Variants in BLTP1 observed in about 807,000 individuals in gnomAD.
BLTP1 encodes fragile site-associated protein.
the BLTP1 span, among the ~76,000 whole-genome samples, chr4:122,273,595 A>G: frequency 4.6e-5 from 7 of 152,036 alleles, no homozygotes. Context: ...TCACTTTTAA[A>G]TTGATATAAA....
chr4:122,225,127 T>C, the BLTP1 span: 16 of 598,718 alleles, frequency 2.7e-5, no homozygotes, highest in Non-Finnish European at 3.2e-5. Context: ...GATTAGGTAA[T>C]AAGGTTCTTT....
chr4:122,221,391 T>C, the BLTP1 span, among the ~76,000 whole-genome samples: 75 of 152,318 alleles, frequency 4.9e-4, no homozygotes, highest in Middle Eastern at 3.4e-3. Context: ...TGTGTGTTTC[T>C]GGTTTTAAAC....
chr4:122,216,079 TTGTC>T, the BLTP1 span, among the ~76,000 whole-genome samples: 11 of 141,248 alleles, frequency 7.8e-5, no homozygotes, highest in Non-Finnish European at 1.5e-4. Context: ...GTATCTATCT[TTGTC>T]TGTCTATCTA....
the BLTP1 span, among the ~76,000 whole-genome samples, chr4:122,322,381 T>G: frequency 6.6e-6 from 1 of 152,078 alleles, no homozygotes; most frequent in Non-Finnish European, 1.5e-5. Flanking sequence ...TTTCTGGTTC[T>G]TAGAATTGTC....
At chr4:122,199,459 G>A in the BLTP1 span, 1,374 of 1,607,334 alleles carry the variant, frequency 8.5e-4, 6 homozygotes, top group African/African-American at 0.015. Flanking sequence ...CAGTAAGTCT[G>A]TAGTACATGA....
the BLTP1 span, chr4:122,227,582 C>T: frequency 7.5e-5 from 37 of 494,354 alleles, no homozygotes; most frequent in Non-Finnish European, 9.7e-5. Flanking sequence ...CTTTCTAGTT[C>T]GTTCCTATAT....
chr4:122,171,746 A>G, the BLTP1 span: 59 of 900,122 alleles, frequency 6.6e-5, no homozygotes, highest in Non-Finnish European at 7.5e-5. Context: ...TCCCTTTCCT[A>G]TCACCTAGAA....
At chr4:122,175,405 G>A in the BLTP1 span, 1 of 374,024 alleles carries the variant, frequency 2.7e-6, no homozygotes, top group African/African-American at 2.2e-5. Context: ...TCTCTTTTGT[G>A]TGCTAACATC....
chr4:122,157,611 G>A, the BLTP1 span, among the ~76,000 whole-genome samples: 4 of 152,272 alleles, frequency 2.6e-5, no homozygotes, highest in Admixed American at 6.5e-5. Flanking sequence ...CTCACCTCCT[G>A]CTGTGTGGCC....
At chr4:122,257,199 A>G in the BLTP1 span, 2 of 1,533,404 alleles carry the variant, frequency 1.3e-6, no homozygotes, top group East Asian at 2.3e-5. Flanking sequence ...AAGCACTTAA[A>G]TGGTAACTGA....
the BLTP1 span, among the ~76,000 whole-genome samples, chr4:122,171,292 ATGAG>A: frequency 6.6e-6 from 1 of 152,138 alleles, no homozygotes; most frequent in Non-Finnish European, 1.5e-5. Flanking sequence ...GAGTGAATGA[ATGAG>A]TGAATATGAA....
the BLTP1 span, among the ~76,000 whole-genome samples, chr4:122,219,725 A>C: frequency 6.6e-6 from 1 of 152,202 alleles, no homozygotes. Context: ...TTTCTTCATA[A>C]TATGATTACT....
the BLTP1 span, chr4:122,175,862 A>G: frequency 6.3e-7 from 1 of 1,581,618 alleles, no homozygotes; most frequent in Non-Finnish European, 8.7e-7. Context: ...TTCAAGATGG[A>G]TTCATCATTT....
At chr4:122,211,632 A>G in the BLTP1 span, among the ~76,000 whole-genome samples, 6 of 152,208 alleles carry the variant, frequency 3.9e-5, no homozygotes, top group African/African-American at 1.2e-4. Flanking sequence ...TTCTAAATAA[A>G]TATGCACTAA....
the BLTP1 span, chr4:122,347,899 CAAAAAA>C: frequency 7.5e-6 from 3 of 401,866 alleles, no homozygotes; most frequent in Non-Finnish European, 1.2e-5. Flanking sequence ...TATGACACGT[CAAAAAA>C]AAAAAAAAAA....
At chr4:122,272,497 T>C in the BLTP1 span, 1 of 1,155,748 alleles carries the variant, frequency 8.7e-7, no homozygotes, top group South Asian at 1.7e-5. Flanking sequence ...CCAAAATTCC[T>C]AATTGGCAAA....
chr4:122,183,279 T>G, the BLTP1 span: 1 of 596,952 alleles, frequency 1.7e-6, no homozygotes, highest in African/African-American at 2.1e-5. Context: ...GAGGCTGCAG[T>G]GAGCCATGGT....
chr4:122,172,154 T>G, the BLTP1 span: 2 of 323,266 alleles, frequency 6.2e-6, no homozygotes, highest in East Asian at 3.4e-4. Flanking sequence ...TAAGCTGCCC[T>G]GGGAATTGTA....
the BLTP1 span, chr4:122,183,138 C>A: frequency 1.8e-6 from 1 of 544,128 alleles, no homozygotes; most frequent in Non-Finnish European, 2.3e-6. Flanking sequence ...AAGTTTGAGA[C>A]CAACCTGGAT....
Sources: gnomAD v4.1 joint callset for allele counts (sites outside exome capture counted in the v4.1 genomes callset) on GRCh38, gnomAD v4.1.1 for gene constraint, MANE v1.5 for transcripts, NCBI Gene and HGNC (gene_info 2026-07-23, HGNC 2026-07-21) for gene names.